SHCBP1: variants seen among roughly 807,000 people sequenced by gnomAD.
The protein encoded by SHCBP1 is SHC SH2 domain-binding protein 1.
Under a neutral mutation model 75.1 loss-of-function variants are expected in SHCBP1, and 60 were observed. The ratio of observed to expected loss-of-function variants is 0.80; its 90% CI spans 0.65 to 0.99. SHCBP1 has a LOEUF of 0.99. Among genes scored for constraint, SHCBP1 ranks in the 50% least tolerant of loss-of-function variants. The pLI is 0.00. For missense variants in SHCBP1, 709 were observed against 809.4 expected (o/e 0.88, Z 1.50); for synonymous variants, 290 against 293.2 (o/e 0.99, Z 0.11).
chr16:46,604,679 G>T (rs1282141915), intron 5 of SHCBP1, among the ~76,000 whole-genome samples: 1 of 152,182 alleles, frequency 6.6e-6, no homozygotes, highest in African/African-American at 2.4e-5. Flanking sequence ...TAATTTTTCT[G>T]CTCTTGAGGA....
At chr16:46,607,088 C>T (rs1463287435) in intron 5 of SHCBP1, among the ~76,000 whole-genome samples, 4 of 152,000 alleles carry the variant, frequency 2.6e-5, no homozygotes, top group African/African-American at 4.8e-5. Context: ...GGCACGGTGG[C>T]GCAGTCCTGT....
intron 10 of SHCBP1, among the ~76,000 whole-genome samples, chr16:46,591,477 A>G (rs1045831549): frequency 8.5e-5 from 13 of 152,324 alleles, no homozygotes; most frequent in African/African-American, 3.1e-4. Context: ...CAGCAATCCT[A>G]AGTGAGCATA....
At chr16:46,601,608 G>T (rs1965238200) in intron 8 of SHCBP1, among the ~76,000 whole-genome samples, 2 of 152,158 alleles carry the variant, frequency 1.3e-5, no homozygotes, top group African/African-American at 2.4e-5. Flanking sequence ...AATGCAAGGG[G>T]ACTCCACACA....
chr16:46,613,337 AAAAACACAAAACAC>A (rs533660249), intron 4 of SHCBP1, among the ~76,000 whole-genome samples: 55 of 152,346 alleles, frequency 3.6e-4, no homozygotes, highest in Middle Eastern at 3.4e-3. Context: ...CCAAAAAAAC[AAAAACACAAAACAC>A]AAAACTAGTC....
At chr16:46,609,879 C>G (rs1965381198) in intron 4 of SHCBP1, among the ~76,000 whole-genome samples, 1 of 152,024 alleles carries the variant, frequency 6.6e-6, no homozygotes, top group African/African-American at 2.4e-5. Flanking sequence ...TCAACAATTA[C>G]CAACTCACAG....
chr16:46,605,418 G>T (rs904414324), intron 5 of SHCBP1, among the ~76,000 whole-genome samples: 15 of 152,156 alleles, frequency 9.9e-5, no homozygotes, highest in Admixed American at 2.6e-4. Flanking sequence ...GCAAAACCCT[G>T]TCACTACAAA....
intron 10 of SHCBP1, 67 bp from the exon 11 acceptor site, chr16:46,584,156 A>G (rs1045011793): frequency 8.6e-7 from 1 of 1,163,750 alleles, no homozygotes; most frequent in African/African-American, 1.5e-5. Flanking sequence ...AGTTTATTAC[A>G]ATTACTTCTT....
intron 10 of SHCBP1, among the ~76,000 whole-genome samples, 182 bp downstream of exon 10, chr16:46,595,370 T>C (rs1165037009): frequency 6.6e-6 from 1 of 152,192 alleles, no homozygotes; most frequent in Non-Finnish European, 1.5e-5. Flanking sequence ...ATGTATTACT[T>C]TTCTTCCTAT....
At chr16:46,610,294 T>C (rs73539855) in intron 4 of SHCBP1, among the ~76,000 whole-genome samples, 1 of 152,092 alleles carries the variant, frequency 6.6e-6, no homozygotes, top group Non-Finnish European at 1.5e-5. Flanking sequence ...TAAATCTTTA[T>C]ACCAAAAGTT....
chr16:46,620,506 A>G (rs1235363874), intron 1 of SHCBP1: 1 of 152,172 alleles, frequency 6.6e-6, no homozygotes, highest in East Asian at 1.9e-4. Context: ...TTTCACTTCA[A>G]CTTCACCACA....
chr16:46,601,546 C>T (rs563132395), intron 8 of SHCBP1, among the ~76,000 whole-genome samples: 2 of 152,150 alleles, frequency 1.3e-5, no homozygotes, highest in Non-Finnish European at 2.9e-5. Context: ...AGCAAAGCCG[C>T]TCAATGTATC....
At chr16:46,598,581 T>C (rs1278278706) in intron 9 of SHCBP1, among the ~76,000 whole-genome samples, 1 of 152,024 alleles carries the variant, frequency 6.6e-6, no homozygotes, top group African/African-American at 2.4e-5. Flanking sequence ...ACAGGCAGAG[T>C]AGATCTGGCA....
chr16:46,604,034 G>A lies in SHCBP1; in HGVS notation c.1033C>T (p.Arg345Trp), dbSNP rs763581676. ...VSSTMMAGLLRSLLTDRLCQE... is the reference protein window; with the variant it reads ...VSSTMMAGLLWSLLTDRLCQE... ...CAAAGCCTGTCCGTAAGCAGGGACC[G>A]CAGGAGACCAGCCATCATGGTGGAG... Residue 345 changes from arginine (R) to tryptophan (W), a missense_variant, in exon 7 of 13, where the codon CGG becomes TGG. Physicochemically the swap from Arg to Trp is moderately radical, Grantham distance 101. Coordinates refer to ENST00000303383, the MANE Select transcript of SHCBP1 (RefSeq NM_024745.5). 30 of 1,614,012 alleles carry A rather than the reference G, an allele frequency of 1.9e-5. No homozygotes were observed. In the African/African-American group the frequency reaches 2.5e-4, roughly 14 times the overall value.
At chr16:46,605,721 C>T (rs773770385) in intron 5 of SHCBP1, among the ~76,000 whole-genome samples, 1 of 151,866 alleles carries the variant, frequency 6.6e-6, no homozygotes, top group African/African-American at 2.4e-5. Context: ...AGAGTGAGAA[C>T]GATTGCCTTA....
intron 1 of SHCBP1, among the ~76,000 whole-genome samples, chr16:46,620,251 CTAT>C (rs1346176383): frequency 1.3e-4 from 20 of 152,002 alleles, no homozygotes; most frequent in Admixed American, 6.6e-4. Flanking sequence ...ACGTCATTGC[CTAT>C]TAATACTGTA....
chr16:46,608,334 C>G lies in SHCBP1; in HGVS notation c.652G>C (p.Asp218His). Residue 218 changes from aspartate to histidine, a missense_variant, in exon 5 of 13, where the codon GAT becomes CAT. Transcript: ENST00000303383. ...SWDEEEEDEY[D>H]YFVRCVEPRL... ...GGTTCAACACATCTGACAAAATAAT[C>G]GTATTCATCCTCCTCTTCTTCATCC... The G allele has an allele frequency of 6.2e-7, 1 of 1,613,760 alleles. No homozygotes were observed. Among genetic ancestry groups the G allele is most frequent in the East Asian group, 2.2e-5 (1 of 44,854 alleles).
intron 10 of SHCBP1, among the ~76,000 whole-genome samples, chr16:46,591,865 A>G (rs957475178): frequency 3.3e-5 from 5 of 152,152 alleles, no homozygotes; most frequent in African/African-American, 1.2e-4. Context: ...GTAAAACTCC[A>G]AATATTTAGA....
chr16:46,609,285 C>T (rs1353576721), intron 4 of SHCBP1, among the ~76,000 whole-genome samples: 1 of 151,984 alleles, frequency 6.6e-6, no homozygotes, highest in Non-Finnish European at 1.5e-5. Flanking sequence ...CGAGATCGCA[C>T]CACTGCACTC....
rs1217388239 is a variant in SHCBP1 at position 46,580,744 on chromosome 16, T to C, written c.*985A>G. On this transcript the variant is annotated 3_prime_UTR_variant, in exon 13 of 13. Transcript: ENST00000303383. ...GAATACTGTAACGGTAAGAGAAAAA[T>C]ACTTTTTTTTTTTTTTGAGACTGGG... The C allele has an allele frequency of 6.6e-6, 1 of 150,716 alleles. No individual in the cohort carries two copies. The highest frequency in any genetic ancestry group is 6.6e-5 in the Admixed American group (1 of 15,148). 9.3% of individuals were successfully genotyped at this position (150,716 alleles called of 1,614,324 possible).
Sources: gnomAD v4.1 joint callset for allele counts (sites outside exome capture counted in the v4.1 genomes callset) on GRCh38, gnomAD v4.1.1 for gene constraint, MANE v1.5 for transcripts, NCBI Gene and HGNC (gene_info 2026-07-23, HGNC 2026-07-21) for gene names.